The following MTCL2 variants were observed in gnomAD, a reference collection of about 807,000 sequenced individuals.
MTCL2 encodes the protein microtubule crosslinking factor 2, also known as microtubule cross-linking factor 2.
the MTCL2 span, chr20:36,804,935 C>G: frequency 6.3e-7 from 1 of 1,597,002 alleles, no homozygotes; most frequent in African/African-American, 1.3e-5. Flanking sequence ...GAGTCAAGAG[C>G]CTCTGTGGGG....
the MTCL2 span, among the ~76,000 whole-genome samples, chr20:36,818,684 C>T: frequency 3.3e-5 from 5 of 152,156 alleles, no homozygotes; most frequent in South Asian, 8.3e-4. Context: ...AAAATAGATA[C>T]ATTTGATTAT....
chr20:36,834,340 A>G, the MTCL2 span, among the ~76,000 whole-genome samples: 3 of 152,030 alleles, frequency 2.0e-5, no homozygotes, highest in African/African-American at 7.3e-5. Flanking sequence ...CCTAGGAATG[A>G]AACCCAAAGC....
At chr20:36,808,425 G>C in the MTCL2 span, 21 of 1,070,774 alleles carry the variant, frequency 2.0e-5, no homozygotes, top group Non-Finnish European at 2.9e-5. Context: ...GTGAGCCTAG[G>C]AGTTGTGTCA....
chr20:36,793,937 G>A, the MTCL2 span: 1 of 1,551,536 alleles, frequency 6.4e-7, no homozygotes, highest in Non-Finnish European at 8.7e-7. The surrounding 1 kb of genome is among the most constrained non-coding windows in gnomAD (Gnocchi z 6.8). Context: ...CGTGCGGATG[G>A]TCTGTGTGCC....
chr20:36,860,041 G>A, the MTCL2 span, among the ~76,000 whole-genome samples: 11 of 152,196 alleles, frequency 7.2e-5, 1 homozygote, highest in Admixed American at 4.6e-4. Context: ...CCCTGCCTCT[G>A]TGAGGCTGGC....
At chr20:36,809,897 A>G in the MTCL2 span, 1 of 1,484,584 alleles carries the variant, frequency 6.7e-7, no homozygotes, top group South Asian at 1.2e-5. Flanking sequence ...TTGACTTCAG[A>G]GGGCCCATAG....
the MTCL2 span, among the ~76,000 whole-genome samples, chr20:36,836,081 C>G: frequency 6.7e-6 from 1 of 149,652 alleles, no homozygotes. Flanking sequence ...CCCCACCACC[C>G]CCCACCCCTC....
the MTCL2 span, chr20:36,828,584 C>T: frequency 6.4e-6 from 1 of 155,370 alleles, no homozygotes; most frequent in African/African-American, 2.4e-5. Context: ...GCACTGACTT[C>T]ACACCAAATG....
the MTCL2 span, among the ~76,000 whole-genome samples, chr20:36,855,213 A>G: frequency 6.6e-6 from 1 of 152,226 alleles, no homozygotes; most frequent in African/African-American, 2.4e-5. Context: ...CCCTCACGGC[A>G]ACGTGCGGGG....
chr20:36,786,396 G>T, the MTCL2 span: 30 of 1,430,120 alleles, frequency 2.1e-5, no homozygotes, highest in Non-Finnish European at 2.7e-5. Flanking sequence ...TGAGGACACA[G>T]CCCCTCGCCT....
the MTCL2 span, among the ~76,000 whole-genome samples, chr20:36,818,573 G>A: frequency 6.6e-6 from 1 of 152,220 alleles, no homozygotes; most frequent in Admixed American, 6.5e-5. Context: ...GCTGAGGTGA[G>A]AGGATTGCTT....
chr20:36,823,927 G>C, the MTCL2 span, among the ~76,000 whole-genome samples: 2 of 152,192 alleles, frequency 1.3e-5, no homozygotes, highest in African/African-American at 4.8e-5. Flanking sequence ...ACCGGGCTTT[G>C]AACTATCAGC....
At chr20:36,816,055 G>C in the MTCL2 span, 1 of 1,613,504 alleles carries the variant, frequency 6.2e-7, no homozygotes, top group East Asian at 2.2e-5. Flanking sequence ...TCCACGATGC[G>C]GCGGCTCAGC....
chr20:36,824,247 C>A, the MTCL2 span, among the ~76,000 whole-genome samples: 1 of 152,204 alleles, frequency 6.6e-6, no homozygotes, highest in East Asian at 1.9e-4. Flanking sequence ...ATGTTCCCAG[C>A]AGCATTATTC....
the MTCL2 span, chr20:36,828,763 CG>C: frequency 2.8e-6 from 1 of 358,312 alleles, no homozygotes; most frequent in Non-Finnish European, 5.1e-6. Flanking sequence ...CCTCCCACAG[CG>C]GCTGTGGTTC....
At chr20:36,810,641 A>C in the MTCL2 span, among the ~76,000 whole-genome samples, 6 of 151,992 alleles carry the variant, frequency 3.9e-5, no homozygotes, top group African/African-American at 1.4e-4. Flanking sequence ...CACACACAAT[A>C]AATGTAACCA....
chr20:36,859,735 A>C, the MTCL2 span: 1 of 1,231,762 alleles, frequency 8.1e-7, no homozygotes, highest in Non-Finnish European at 1.0e-6. Context: ...AAGCCTGAGC[A>C]GGGCCACCCA....
chr20:36,808,384 G>A, the MTCL2 span: 16 of 735,234 alleles, frequency 2.2e-5, no homozygotes, highest in Non-Finnish European at 3.3e-5. Flanking sequence ...AACGAATGCA[G>A]GAAGGAAGCC....
the MTCL2 span, chr20:36,808,621 G>A: frequency 5.7e-5 from 92 of 1,612,084 alleles, no homozygotes; most frequent in Middle Eastern, 9.9e-4. Flanking sequence ...TGAATTGCTG[G>A]GACTCCTGCA....
Sources: gnomAD v4.1 joint callset for allele counts (sites outside exome capture counted in the v4.1 genomes callset) on GRCh38, gnomAD v4.1.1 for gene constraint, Gnocchi (gnomAD v3.1) non-coding constraint, MANE v1.5 for transcripts, NCBI Gene and HGNC (gene_info 2026-07-23, HGNC 2026-07-21) for gene names.